TBC1D30: variants seen among roughly 807,000 people sequenced by gnomAD.
TBC1D30 encodes the protein TBC1 domain family, member 30.
Under a neutral mutation model 63.2 loss-of-function variants are expected in TBC1D30, and 31 were observed. That is an observed-to-expected ratio of 0.49 (90% CI 0.37 to 0.66). The LOEUF is 0.66. TBC1D30 is among the 30% of genes least tolerant of loss of function. TBC1D30 has a pLI of 0.00. For missense variants in TBC1D30, 810 were observed against 953.6 expected, an observed-to-expected ratio of 0.85 and a Z score of 1.98; for synonymous variants, 307 against 361.5, an observed-to-expected ratio of 0.85 and a Z score of 1.71.
At chr12:64,836,705 A>AT (rs1565667947) in intron 6 of TBC1D30, 47 bp downstream of exon 6, 5 of 1,483,006 alleles carry the variant, frequency 3.4e-6, no homozygotes, top group Non-Finnish European at 4.5e-6. Flanking sequence ...GTCTTCTCTG[A>AT]TTCCACTGTA....
chr12:64,763,135 T>C (rs1014484235), intron 1 of TBC1D30, among the ~76,000 whole-genome samples: 9 of 152,134 alleles, frequency 5.9e-5, no homozygotes, highest in African/African-American at 2.2e-4. Flanking sequence ...TTTGTATTTT[T>C]AGTAGAGATG....
chr12:64,824,419 C>T (rs1002813518), upstream of TBC1D30, among the ~76,000 whole-genome samples: 1 of 152,216 alleles, frequency 6.6e-6, no homozygotes, highest in Non-Finnish European at 1.5e-5. Context: ...TGTTCCCTCC[C>T]AGATCTTGGG....
intron 7 of TBC1D30, 99 bp from the exon 8 acceptor site, chr12:64,843,281 C>A: frequency 9.5e-7 from 1 of 1,056,010 alleles, no homozygotes; most frequent in Non-Finnish European, 1.4e-6. Flanking sequence ...AGGCATGAGC[C>A]ACCATGCCCA....
chr12:64,796,573 G>T (rs991642367), intron 2 of TBC1D30, among the ~76,000 whole-genome samples: 4 of 152,128 alleles, frequency 2.6e-5, no homozygotes, highest in African/African-American at 7.2e-5. Flanking sequence ...GGGAACTTTT[G>T]TTGGAACTAC....
chr12:64,817,623 C>A (rs151224652), intron 2 of TBC1D30, among the ~76,000 whole-genome samples: 1 of 152,202 alleles, frequency 6.6e-6, no homozygotes, highest in Non-Finnish European at 1.5e-5. Flanking sequence ...TCTCCTTTTC[C>A]GGTACTTCCC....
intron 8 of TBC1D30, among the ~76,000 whole-genome samples, chr12:64,857,234 G>A (rs992331788): frequency 6.6e-6 from 1 of 152,090 alleles, no homozygotes; most frequent in African/African-American, 2.4e-5. Context: ...CTCAGAGCTC[G>A]GGCCCATGGC....
intron 2 of TBC1D30, among the ~76,000 whole-genome samples, chr12:64,791,751 G>A (rs893458802): frequency 1.3e-5 from 2 of 151,708 alleles, no homozygotes; most frequent in African/African-American, 4.8e-5. Context: ...TAGAGATGGA[G>A]GCATGGAGGG....
rs1053224559 is a variant in TBC1D30, at chr12:64,843,367, T to G, written c.933-13T>G. ...CCTAAACAAGTTGTATTTTCTGTCCTTTCTTTATCTAGGCAGATAGAATGT... is the reference window on the plus strand; with the variant it reads ...CCTAAACAAGTTGTATTTTCTGTCCGTTCTTTATCTAGGCAGATAGAATGT... On this transcript the variant is annotated splice_polypyrimidine_tract_variant and intron_variant, in intron 7 of 11. Coordinates refer to ENST00000539867, the MANE Select transcript of TBC1D30 (RefSeq NM_015279.2). 3 of 1,535,236 alleles carry G rather than the reference T, an allele frequency of 2.0e-6. No individual in the cohort carries two copies. The highest frequency in any genetic ancestry group is 2.7e-5 in the African/African-American group (2 of 73,030).
chr12:64,868,417 T>A (rs1209668117), intron 10 of TBC1D30: 2 of 220,384 alleles, frequency 9.1e-6, no homozygotes, highest in African/African-American at 4.7e-5. Flanking sequence ...ATACCTCTGA[T>A]CCTTAGGGAA....
At chr12:64,832,368 A>C in intron 5 of TBC1D30, 64 bp downstream of exon 5, 1 of 1,450,818 alleles carries the variant, frequency 6.9e-7, no homozygotes, top group Non-Finnish European at 9.2e-7. Context: ...TGGAACCATA[A>C]TTTCTCTTCC....
intron 8 of TBC1D30, among the ~76,000 whole-genome samples, chr12:64,850,762 T>G (rs1264808113): frequency 6.6e-6 from 1 of 152,184 alleles, no homozygotes; most frequent in Non-Finnish European, 1.5e-5. Context: ...CTGCCAGGTT[T>G]TCATATGAGG....
At chr12:64,838,947 G>T (rs1875605287) in intron 7 of TBC1D30, 96 bp downstream of exon 7, 3 of 1,188,798 alleles carry the variant, frequency 2.5e-6, no homozygotes, top group Non-Finnish European at 2.3e-6. Flanking sequence ...AGTGAAATGA[G>T]AAAGTTGTGA....
At chr12:64,870,258 A>C (rs1178709856) in intron 10 of TBC1D30, among the ~76,000 whole-genome samples, 1 of 152,184 alleles carries the variant, frequency 6.6e-6, no homozygotes, top group African/African-American at 2.4e-5. Context: ...GTGATTTTAG[A>C]AATTAGGAGT....
chr12:64,852,212 G>T (rs1332744579), intron 8 of TBC1D30, among the ~76,000 whole-genome samples: 3 of 151,978 alleles, frequency 2.0e-5, no homozygotes, highest in South Asian at 2.1e-4. Context: ...GGCTTTGTTT[G>T]TTCCTTTTCA....
chr12:64,846,193 C>T (rs1876362703), intron 8 of TBC1D30, among the ~76,000 whole-genome samples: 1 of 151,732 alleles, frequency 6.6e-6, no homozygotes, highest in Non-Finnish European at 1.5e-5. Context: ...TGTGCAGGAG[C>T]TTTTTAACTT....
intron 2 of TBC1D30, among the ~76,000 whole-genome samples, chr12:64,806,162 C>T (rs1360076616): frequency 1.3e-5 from 2 of 152,330 alleles, no homozygotes; most frequent in East Asian, 3.9e-4. Flanking sequence ...TGTGTCTTCT[C>T]CATGGAAGGC....
At position 64,824,910 on chromosome 12, in the gene TBC1D30, A is replaced by C. The variant is rs1874167499; in HGVS notation, c.31A>C (p.Arg11=). 1 of 1,534,124 alleles carries C rather than the reference A, an allele frequency of 6.5e-7. No individual in the cohort carries two copies. Among genetic ancestry groups the C allele is most frequent in the South Asian group, 1.2e-5 (1 of 83,906 alleles). The change falls in exon 1 of 12, where the codon AGG becomes CGG. Residue 11 remains arginine (R), a synonymous_variant. Coordinates refer to ENST00000539867, the MANE Select transcript of TBC1D30 (RefSeq NM_015279.2). Reference sequence around the variant, plus strand: ...GCAGGACAAGCTGACCGGGTCTCTGAGGCGCGGGGGGAGATGCCTGAAGCG... The same window carrying C: ...GCAGGACAAGCTGACCGGGTCTCTGCGGCGCGGGGGGAGATGCCTGAAGCG... The part of the protein sequence containing the change: MRQDKLTGSL[R]RGGRCLKRQG...
intron 2 of TBC1D30, among the ~76,000 whole-genome samples, chr12:64,808,070 C>T (rs2136325892): frequency 6.6e-6 from 1 of 151,980 alleles, no homozygotes; most frequent in East Asian, 1.9e-4. Flanking sequence ...AAATAAATTT[C>T]ATTGTTTGAA....
At position 64,878,658 on chromosome 12, in the gene TBC1D30, A is replaced by C; in HGVS notation, c.*2870A>C. The stretch of plus-strand genomic sequence containing the variant: ...ACTGTTCTGCCATTTTCTGAGTGCA[A>C]GCATGGAACACTGTTGTGACAGTCC... On this transcript the variant is annotated 3_prime_UTR_variant, in exon 12 of 12. Transcript: ENST00000539867. The C allele has an allele frequency of 2.4e-6, 1 of 419,758 alleles. No individual in the cohort carries two copies. Among genetic ancestry groups the C allele is most frequent in the Non-Finnish European group, 4.8e-6 (1 of 207,420 alleles). The allele number at this position is 419,758 out of a possible 1,614,324, so 26.0% of individuals were successfully genotyped here. A position where few individuals can be genotyped will look rare whatever the true frequency, so the allele number is the denominator to read the frequency against.
Sources: gnomAD v4.1 joint callset for allele counts (sites outside exome capture counted in the v4.1 genomes callset) on GRCh38, gnomAD v4.1.1 for gene constraint, MANE v1.5 for transcripts, NCBI Gene and HGNC (gene_info 2026-07-23, HGNC 2026-07-21) for gene names.